Variants in GRID1 observed in about 807,000 individuals in gnomAD.
The protein encoded by GRID1 is glutamate receptor ionotropic, delta-1.
GRID1 carries 28 observed loss-of-function variants against 98.0 expected under a neutral mutation model. The observed-to-expected ratio is 0.29, with a 90% CI of 0.21 to 0.39. GRID1 has a LOEUF of 0.39. Among genes scored for constraint, GRID1 ranks in the 10% least tolerant of loss-of-function variants. The pLI is 1.00. For synonymous variants in GRID1, 553 were observed against 538.5 expected, an observed-to-expected ratio of 1.03 and a Z score of -0.37; for missense variants, 1,111 against 1,340.5, an observed-to-expected ratio of 0.83 and a Z score of 2.67.
At chr10:86,322,336 C>G (rs1847981847) in intron 2 of GRID1, among the ~76,000 whole-genome samples, 1 of 152,178 alleles carries the variant, frequency 6.6e-6, no homozygotes, top group Admixed American at 6.5e-5. Flanking sequence ...AAAGAAAATG[C>G]AGAAACACAC....
chr10:85,797,805 C>T (rs1339533773), intron 8 of GRID1, among the ~76,000 whole-genome samples: 9 of 152,110 alleles, frequency 5.9e-5, no homozygotes, highest in Admixed American at 5.9e-4. Flanking sequence ...GTTTAGCTCC[C>T]ACTTATACAT....
intron 8 of GRID1, among the ~76,000 whole-genome samples, chr10:85,752,510 A>C (rs1299053841): frequency 2.0e-5 from 3 of 152,228 alleles, no homozygotes; most frequent in African/African-American, 7.2e-5. Flanking sequence ...GATACAGATA[A>C]ATTTTGTTAA....
chr10:85,822,415 C>T (rs1276593074), intron 8 of GRID1, among the ~76,000 whole-genome samples: 20 of 152,136 alleles, frequency 1.3e-4, no homozygotes, highest in Admixed American at 1.1e-3. Flanking sequence ...GACATTTATG[C>T]AGCCAACAGA....
At chr10:85,844,603 T>C (rs1447703939) in intron 8 of GRID1, among the ~76,000 whole-genome samples, 1 of 152,092 alleles carries the variant, frequency 6.6e-6, no homozygotes, top group African/African-American at 2.4e-5. Flanking sequence ...GCTGGATCTC[T>C]CTATACTATT....
At chr10:86,066,266 C>A (rs1424665260) in intron 4 of GRID1, among the ~76,000 whole-genome samples, 1 of 152,114 alleles carries the variant, frequency 6.6e-6, no homozygotes, top group African/African-American at 2.4e-5. Context: ...TGGCTCCGAC[C>A]CAAGGACCTG....
At chr10:85,846,644 C>T (rs1456335046) in intron 8 of GRID1, among the ~76,000 whole-genome samples, 1 of 151,390 alleles carries the variant, frequency 6.6e-6, no homozygotes, top group Non-Finnish European at 1.5e-5. Flanking sequence ...ATAGAAAAAA[C>T]TGCTGTCAAG....
At chr10:86,309,911 C>T (rs61015876) in intron 2 of GRID1, among the ~76,000 whole-genome samples, 11,274 of 152,222 alleles carry the variant, frequency 0.074, 925 homozygotes, top group East Asian at 0.48. Flanking sequence ...ACTGTGTTTC[C>T]TCCAGCCAGG....
intron 4 of GRID1, among the ~76,000 whole-genome samples, chr10:86,076,748 G>C (rs1843887767): frequency 7.3e-6 from 1 of 137,456 alleles, no homozygotes; most frequent in Non-Finnish European, 1.6e-5. Flanking sequence ...CTGTTGGCAG[G>C]ATTGGTTCCT....
Position 85,718,994 on chromosome 10 carries a change from T to C in GRID1, c.1997+4009A>G, listed in dbSNP as rs570168947. 3.7e-4 allele frequency among the ~76,000 whole-genome samples: 56 copies of C among 152,356 alleles called. No homozygotes were observed. The South Asian group carries it at 0.011, about 31-fold the overall frequency. ...AGCACCCAAGTCACCTCTTGAATGC[T>C]TTGCTGCTTAGAAATTTCCTCCACC... On this transcript the variant is annotated intron_variant, in intron 12 of 15. Coordinates refer to ENST00000327946, the MANE Select transcript of GRID1 (RefSeq NM_017551.3).
chr10:85,736,163 G>A (rs1307135133), intron 8 of GRID1, among the ~76,000 whole-genome samples: 2 of 141,302 alleles, frequency 1.4e-5, no homozygotes, highest in Non-Finnish European at 3.1e-5. Context: ...GAGGGAGGGA[G>A]GGACACAGGA....
At chr10:85,932,010 G>T (rs1225613017) in intron 4 of GRID1, among the ~76,000 whole-genome samples, 1 of 152,154 alleles carries the variant, frequency 6.6e-6, no homozygotes, top group African/African-American at 2.4e-5. Context: ...GCAGCCAAAG[G>T]TTCTACTATC....
intron 8 of GRID1, among the ~76,000 whole-genome samples, chr10:85,847,437 C>T (rs1297558262): frequency 1.3e-5 from 2 of 152,128 alleles, no homozygotes; most frequent in Non-Finnish European, 2.9e-5. Flanking sequence ...TTAAGGTGGA[C>T]ATTCTGTTAT....
chr10:85,860,938 A>T (rs749581890), intron 6 of GRID1, among the ~76,000 whole-genome samples: 13 of 152,188 alleles, frequency 8.5e-5, no homozygotes, highest in Non-Finnish European at 1.9e-4. Flanking sequence ...TGGAATGCAG[A>T]TGGTAATACC....
chr10:85,747,828 C>T (rs576595495), intron 8 of GRID1, among the ~76,000 whole-genome samples: 264 of 152,256 alleles, frequency 1.7e-3, no homozygotes, highest in Admixed American at 5.2e-3. Context: ...AAAGATGGGT[C>T]TTCCCATATC....
At chr10:86,044,873 G>A (rs1229918674) in intron 4 of GRID1, among the ~76,000 whole-genome samples, 3 of 152,184 alleles carry the variant, frequency 2.0e-5, no homozygotes, top group Non-Finnish European at 4.4e-5. Flanking sequence ...ACTGGATGCT[G>A]TAGCAAGGAG....
intron 5 of GRID1, among the ~76,000 whole-genome samples, chr10:85,912,880 T>A (rs1008474733): frequency 6.6e-6 from 1 of 152,228 alleles, no homozygotes; most frequent in Non-Finnish European, 1.5e-5. Flanking sequence ...AAACCATTTG[T>A]CTGTGGCTCT....
chr10:86,145,774 G>C (rs930179246), intron 3 of GRID1, among the ~76,000 whole-genome samples: 3 of 152,110 alleles, frequency 2.0e-5, no homozygotes, highest in Non-Finnish European at 4.4e-5. Flanking sequence ...CCTCATTTGT[G>C]TTCTTTATCA....
At chr10:86,294,928 G>A (rs749554373) in intron 2 of GRID1, among the ~76,000 whole-genome samples, 3 of 152,206 alleles carry the variant, frequency 2.0e-5, no homozygotes, top group Non-Finnish European at 4.4e-5. Context: ...GCCAGGAGGA[G>A]GGAGGCTGCA....
chr10:86,223,507 A>G (rs527341321), intron 2 of GRID1, among the ~76,000 whole-genome samples: 21 of 152,324 alleles, frequency 1.4e-4, no homozygotes, highest in African/African-American at 5.1e-4. Flanking sequence ...AGGCATTCCC[A>G]TGATGGTGCA....
Sources: gnomAD v4.1 joint callset for allele counts (sites outside exome capture counted in the v4.1 genomes callset) on GRCh38, gnomAD v4.1.1 for gene constraint, MANE v1.5 for transcripts, NCBI Gene and HGNC (gene_info 2026-07-23, HGNC 2026-07-21) for gene names.